ARSH: variants seen among roughly 807,000 people sequenced by gnomAD.
ARSH encodes the protein arylsulfatase H.
ARSH carries 32 observed loss-of-function variants against 28.7 expected under a neutral mutation model. The observed-to-expected ratio is 1.11, with a 90% CI of 0.84 to 1.50. ARSH has a LOEUF of 1.50. ARSH is among the 40% of genes most tolerant of loss of function. The pLI, the probability that ARSH is intolerant of heterozygous loss-of-function variation, is 0.00. For missense variants in ARSH, 440 were observed against 452.4 expected (o/e 0.97, Z 0.25); for synonymous variants, 176 against 177.3 (o/e 0.99, Z 0.06).
chrX:3,015,518 T>C, intron 4 of ARSH, 125 bp downstream of exon 4: 1 of 688,216 alleles, frequency 1.5e-6, no homozygotes. Context: ...GCATTTGGCT[T>C]TCTGTTCCTG....
intron 8 of ARSH, among the ~76,000 whole-genome samples, 157 bp from the exon 9 acceptor site, chrX:3,032,861 T>C (rs1442057681): frequency 8.9e-6 from 1 of 112,224 alleles, no homozygotes; most frequent in Non-Finnish European, 1.9e-5. Context: ...TTGTGCATTG[T>C]TCTTAGAGTT....
At chrX:3,018,908 A>G (rs192246984) in intron 5 of ARSH, among the ~76,000 whole-genome samples, 1,158 of 112,138 alleles carry the variant, frequency 0.01, 5 homozygotes, top group Middle Eastern at 0.037. Context: ...CTTTAAAATA[A>G]AGACAGCCAC....
intron 2 of ARSH, among the ~76,000 whole-genome samples, chrX:3,011,233 TTTC>T (rs1347984566): frequency 2.1e-5 from 2 of 95,457 alleles, no homozygotes; most frequent in East Asian, 7.4e-4. Flanking sequence ...TTCAGGATTT[TTTC>T]TTTTTTTCTT....
At chrX:3,012,566 A>ATATATAT (rs1330974460) in intron 2 of ARSH, among the ~76,000 whole-genome samples, 1 of 19,457 alleles carries the variant, frequency 5.1e-5, no homozygotes, top group Non-Finnish European at 7.7e-5. Flanking sequence ...AAAAAAAAAA[A>ATATATAT]AAATATATAT....
At chrX:3,011,201 A>C (rs868015764) in intron 2 of ARSH, among the ~76,000 whole-genome samples, 1 of 110,244 alleles carries the variant, frequency 9.1e-6, no homozygotes, top group African/African-American at 3.3e-5. Context: ...TCCAAAAAAA[A>C]CTACACTTAT....
At chrX:3,025,227 G>T (rs982742605) in intron 6 of ARSH, among the ~76,000 whole-genome samples, 6 of 106,404 alleles carry the variant, frequency 5.6e-5, no homozygotes, top group African/African-American at 2.0e-4. Flanking sequence ...TATAATACAT[G>T]TAATTTTACA....
intron 5 of ARSH, 111 bp from the exon 6 acceptor site, chrX:3,023,910 A>G (rs1405385427): frequency 3.5e-6 from 3 of 851,403 alleles, no homozygotes; most frequent in Non-Finnish European, 5.0e-6. Flanking sequence ...CGTGTAGTGC[A>G]GAATAACATT....
chrX:3,032,414 AAAGGAAGGAAGG>A (rs917854543), intron 8 of ARSH, among the ~76,000 whole-genome samples: 1 of 99,300 alleles, frequency 1.0e-5, no homozygotes, highest in Non-Finnish European at 2.1e-5. Flanking sequence ...GGAAGGAAGG[AAAGGAAGGAAGG>A]AAGGAAGGGG....
At chrX:3,015,608 G>A (rs958297486) in intron 4 of ARSH, among the ~76,000 whole-genome samples, 20 of 111,054 alleles carry the variant, frequency 1.8e-4, no homozygotes, top group African/African-American at 6.6e-4. Context: ...TTTCATGGCT[G>A]TGTAGTATTT....
At chrX:3,030,105 G>T (rs1488811205) in intron 8 of ARSH, among the ~76,000 whole-genome samples, 2 of 109,957 alleles carry the variant, frequency 1.8e-5, no homozygotes, top group Non-Finnish European at 3.8e-5. Context: ...TAGATTTCCC[G>T]AGAGAAGGGG....
rs371944587 is a variant in ARSH, at chrX:3,015,274, T to C, written c.645T>C (p.Tyr215=). 1.7e-6 allele frequency: 2 copies of C among 1,209,650 alleles called. No individual in the cohort carries two copies. Among genetic ancestry groups the C allele is most frequent in the African/African-American group, 1.8e-5 (1 of 57,098 alleles). ...TTTTCACTTCCTGGTACTCTAGTTA[T>C]GGATTTACTCGACGTTGGAATTGCA... ...FLFFTSWYSS[Y]GFTRRWNCIL... The change falls in exon 4 of 9, where the codon TAT becomes TAC. Residue 215 remains tyrosine, a synonymous_variant. Coordinates refer to ENST00000381130, the MANE Select transcript of ARSH (RefSeq NM_001011719.2).
intron 4 of ARSH, among the ~76,000 whole-genome samples, chrX:3,015,789 A>G (rs2089864701): frequency 9.1e-6 from 1 of 110,163 alleles, no homozygotes; most frequent in African/African-American, 3.3e-5. Context: ...CCCACGTAAC[A>G]AACTGGCACA....
intron 1 of ARSH, among the ~76,000 whole-genome samples, 195 bp from the exon 2 acceptor site, chrX:3,009,835 T>C (rs886803443): frequency 1.8e-5 from 2 of 112,143 alleles, no homozygotes; most frequent in African/African-American, 6.5e-5. Context: ...AAAGATATAT[T>C]TTAAACTTAT....
rs554689832 is a variant in ARSH, at chrX:3,021,070, C to A, written c.901+2400C>A. 1.1e-4 allele frequency among the ~76,000 whole-genome samples: 12 copies of A among 110,736 alleles called. No homozygotes were observed. In the South Asian group the frequency reaches 1.5e-3, roughly 14 times the overall value. ...ACATTTATTATATATAGTTTAATTC[C>A]TTGGTAACGAAATACAAACACTGAA... On this transcript the variant is annotated intron_variant, in intron 5 of 8. Transcript: ENST00000381130.
chrX:3,024,563 T>G (rs948368935), intron 6 of ARSH, among the ~76,000 whole-genome samples: 1 of 111,235 alleles, frequency 9.0e-6, no homozygotes, highest in Non-Finnish European at 1.9e-5. Context: ...TCTCCTGATA[T>G]TGCCCAGTGT....
At chrX:3,009,989 T>G in intron 1 of ARSH, 41 bp from the exon 2 acceptor site, 1 of 1,198,305 alleles carries the variant, frequency 8.3e-7, no homozygotes, top group Non-Finnish European at 1.1e-6. Context: ...GTATTGAGAA[T>G]TTTTAGAAAC....
intron 8 of ARSH, among the ~76,000 whole-genome samples, chrX:3,030,604 G>A (rs1382053452): frequency 9.0e-6 from 1 of 111,632 alleles, no homozygotes; most frequent in Admixed American, 9.6e-5. Flanking sequence ...GAGAATGAGA[G>A]CCAAGCGAAA....
intron 2 of ARSH, among the ~76,000 whole-genome samples, chrX:3,010,781 T>C (rs768777550): frequency 1.8e-5 from 2 of 112,043 alleles, no homozygotes; most frequent in South Asian, 7.4e-4. Context: ...TATTGAAGTG[T>C]TCATGGTTAT....
At chrX:3,016,504 T>C (rs1324822494) in intron 4 of ARSH, among the ~76,000 whole-genome samples, 1 of 111,233 alleles carries the variant, frequency 9.0e-6, no homozygotes, top group African/African-American at 3.3e-5. Context: ...TTTTCTGTGT[T>C]CAACACAAGC....
Sources: allele counts gnomAD v4.1 joint callset (sites outside exome capture counted in the v4.1 genomes callset), GRCh38; gene constraint gnomAD v4.1.1; transcripts MANE v1.5; gene names NCBI Gene and HGNC (gene_info 2026-07-23, HGNC 2026-07-21).